EPB41L4A: variants seen among roughly 807,000 people sequenced by gnomAD.
The protein encoded by EPB41L4A is erythrocyte membrane protein band 4.1 like 4A.
A neutral mutation model predicts 108.6 loss-of-function variants in EPB41L4A; 100 were observed. The ratio of observed to expected loss-of-function variants is 0.92; its 90% CI spans 0.78 to 1.09. EPB41L4A has a LOEUF of 1.09. Among genes scored for constraint, EPB41L4A ranks in the 50% least tolerant of loss-of-function variants. The pLI, the probability that EPB41L4A is intolerant of heterozygous loss-of-function variation, is 0.00. For synonymous variants in EPB41L4A, 319 were observed against 289.0 expected, an observed-to-expected ratio of 1.10 and a Z score of -1.05; for missense variants, 1,030 against 842.7, an observed-to-expected ratio of 1.22 and a Z score of -2.75.
rs186368402 is a variant in EPB41L4A at position 112,265,013 on chromosome 5, T to G, written c.437A>C (p.Glu146Ala). Residue 146 changes from glutamate to alanine, a missense_variant, in exon 6 of 23, where the codon GAG becomes GCG. Transcript: ENST00000261486. ...AQLGAYAIQS[E>A]LGDYDPYKHT... Reference sequence around the variant, plus strand: ...TTTATATGGGTCATAATCTCCAAGCTCCGCTAAAAAAGAAAGATAACATAG... The same window carrying G: ...TTTATATGGGTCATAATCTCCAAGCGCCGCTAAAAAAGAAAGATAACATAG... The G allele has an allele frequency of 6.2e-5, 98 of 1,568,550 alleles. No homozygotes were observed. The highest frequency in any genetic ancestry group is 1.7e-4 in the Middle Eastern group (1 of 5,880).
intron 1 of EPB41L4A, among the ~76,000 whole-genome samples, chr5:112,415,223 C>T (rs1463458199): frequency 6.6e-6 from 1 of 152,082 alleles, no homozygotes; most frequent in East Asian, 1.9e-4. Context: ...AACTGACTCA[C>T]AGTATTCCCT....
At chr5:112,417,608 T>TA (rs1368529160) in intron 1 of EPB41L4A, among the ~76,000 whole-genome samples, 2 of 152,150 alleles carry the variant, frequency 1.3e-5, no homozygotes, top group Non-Finnish European at 2.9e-5. Context: ...TTTTGGAACA[T>TA]AAAGAAAAGT....
chr5:112,220,137 C>T (rs947260989), intron 12 of EPB41L4A, among the ~76,000 whole-genome samples: 5 of 152,120 alleles, frequency 3.3e-5, no homozygotes, highest in African/African-American at 9.7e-5. Context: ...TTTTGATTTT[C>T]GATGCTGTGA....
chr5:112,248,293 T>C (rs1750389101), intron 9 of EPB41L4A, among the ~76,000 whole-genome samples: 1 of 152,178 alleles, frequency 6.6e-6, no homozygotes, highest in African/African-American at 2.4e-5. Flanking sequence ...TTACCAAACC[T>C]CTTCCAGATA....
At chr5:112,197,931 G>T (rs1187804395) in intron 15 of EPB41L4A, among the ~76,000 whole-genome samples, 2 of 152,080 alleles carry the variant, frequency 1.3e-5, no homozygotes, top group Admixed American at 1.3e-4. Flanking sequence ...AACAATTATG[G>T]TTATCTGGGC....
intron 1 of EPB41L4A, among the ~76,000 whole-genome samples, chr5:112,382,044 A>C (rs1760207876): frequency 6.6e-6 from 1 of 152,264 alleles, no homozygotes; most frequent in Admixed American, 6.5e-5. Flanking sequence ...TAAGAAATTT[A>C]TAATACGGCA....
chr5:112,362,760 T>G (rs945700165), intron 1 of EPB41L4A, among the ~76,000 whole-genome samples: 2 of 152,206 alleles, frequency 1.3e-5, no homozygotes, highest in Non-Finnish European at 2.9e-5. Context: ...TACTGTTCTC[T>G]TAAATACACT....
rs1375141831 is a variant in EPB41L4A, at chr5:112,418,781, C to T, written c.99+160G>A. ...AACTCAAAGTTAACTCACCCTGGTA[C>T]GTCCACCCTCTCCCTGCGCGCAGGG... On this transcript the variant is annotated intron_variant, in intron 1 of 22. Transcript: ENST00000261486. Among the ~76,000 whole-genome samples, 7 of 152,064 alleles carry T rather than the reference C, an allele frequency of 4.6e-5. No homozygotes were observed. In the East Asian group the frequency reaches 9.7e-4, roughly 21 times the overall value.
intron 1 of EPB41L4A, among the ~76,000 whole-genome samples, chr5:112,361,103 G>A (rs1758719895): frequency 6.6e-6 from 1 of 152,238 alleles, no homozygotes; most frequent in Non-Finnish European, 1.5e-5. Flanking sequence ...GGAAAAGAAA[G>A]AGAGATCGGA....
At chr5:112,161,112 A>T (rs1057099447), downstream of EPB41L4A, 2 of 172,598 alleles carry the variant, frequency 1.2e-5, no homozygotes, top group Middle Eastern at 5.0e-4. Flanking sequence ...TTGTGTTTAC[A>T]TCATCGACTA....
intron 2 of EPB41L4A, among the ~76,000 whole-genome samples, chr5:112,281,599 G>A (rs1752972041): frequency 6.6e-6 from 1 of 152,208 alleles, no homozygotes; most frequent in South Asian, 2.1e-4. Flanking sequence ...ATGAAGAAGG[G>A]GCAATTCCCA....
intron 12 of EPB41L4A, among the ~76,000 whole-genome samples, chr5:112,150,686 G>C (rs932999900): frequency 1.3e-5 from 2 of 152,154 alleles, no homozygotes; most frequent in Non-Finnish European, 2.9e-5. Context: ...GAGAAGAAAA[G>C]ACAGATTATT....
intron 11 of EPB41L4A, among the ~76,000 whole-genome samples, chr5:112,236,805 C>T (rs528223159): frequency 2.1e-3 from 315 of 152,290 alleles, no homozygotes; most frequent in African/African-American, 6.9e-3. Context: ...TGATTAGGGA[C>T]GCTTACTTTA....
chr5:112,393,564 A>G (rs1324794022), intron 1 of EPB41L4A, among the ~76,000 whole-genome samples: 7 of 152,190 alleles, frequency 4.6e-5, no homozygotes, highest in Non-Finnish European at 8.8e-5. Flanking sequence ...CCCTGAATAG[A>G]CCAATAACAG....
chr5:112,164,204 T>G lies in EPB41L4A; in HGVS notation c.*786A>C, dbSNP rs1009674025. 1.3e-5 allele frequency: 2 copies of G among 152,252 alleles called. No homozygotes were observed. Among genetic ancestry groups the G allele is most frequent in the African/African-American group, 4.8e-5 (2 of 41,462 alleles). 9.4% of individuals were successfully genotyped at this position (152,252 alleles called of 1,614,324 possible). On this transcript the variant is annotated 3_prime_UTR_variant, in exon 23 of 23. Transcript: ENST00000261486. ...GCTTTTTACATCATTTGTAAATAAC[T>G]GGTGGAACTTAACACCACAAAATAA...
intron 17 of EPB41L4A, among the ~76,000 whole-genome samples, chr5:112,185,056 T>C (rs1761356997): frequency 6.6e-6 from 1 of 150,940 alleles, no homozygotes; most frequent in Non-Finnish European, 1.5e-5. Context: ...TTATGTGAAA[T>C]ACTGTCTTGA....
At chr5:112,360,501 C>A (rs1035587315) in intron 1 of EPB41L4A, among the ~76,000 whole-genome samples, 1 of 152,216 alleles carries the variant, frequency 6.6e-6, no homozygotes, top group Non-Finnish European at 1.5e-5. Context: ...TCTCCAGCTC[C>A]TGACCGCGAG....
Position 112,204,347 on chromosome 5 carries a change from G to A in EPB41L4A, c.1376+28C>T, listed in dbSNP as rs1356027413. On this transcript the variant is annotated intron_variant, in intron 15 of 22. Coordinates refer to ENST00000261486, the MANE Select transcript of EPB41L4A (RefSeq NM_022140.5). ...GGACAAAATGCTTCTGTTGAAAGCT[G>A]CTAACAGAGAGATTGTGTTCCGCTT... 2.7e-6 allele frequency: 4 copies of A among 1,479,116 alleles called. No individual in the cohort carries two copies. In the South Asian group the frequency reaches 4.5e-5, roughly 17 times the overall value. 91.6% of individuals were successfully genotyped at this position (1,479,116 alleles called of 1,614,324 possible).
At position 112,313,916 on chromosome 5, in the gene EPB41L4A, T is replaced by G. The variant is rs1207511173; in HGVS notation, c.100-6426A>C. Among the ~76,000 whole-genome samples, 3 of 138,800 alleles carry G rather than the reference T, an allele frequency of 2.2e-5. No homozygotes were observed. The Admixed American group carries it at 2.4e-4, about 11-fold the overall frequency. 91.1% of individuals were successfully genotyped at this position (138,800 alleles called of 152,430 possible). A position where few individuals can be genotyped will look rare whatever the true frequency, so the allele number is the denominator to read the frequency against. ...TCTCACTGTGTCCCCTAGGCTGGAG[T>G]GCAGTGGCGCAATCTCCGCTCACTG... On this transcript the variant is annotated intron_variant, in intron 1 of 22. Transcript: ENST00000261486.
Sources: allele counts gnomAD v4.1 joint callset (sites outside exome capture counted in the v4.1 genomes callset), GRCh38; gene constraint gnomAD v4.1.1; transcripts MANE v1.5; gene names NCBI Gene and HGNC (gene_info 2026-07-23, HGNC 2026-07-21).